The following CLDN16 variants were observed in gnomAD, a reference collection of about 807,000 sequenced individuals.
The protein encoded by CLDN16 is claudin 16.
Under a neutral mutation model 24.6 loss-of-function variants are expected in CLDN16, and 13 were observed. That is an observed-to-expected ratio of 0.53 (90% CI 0.34 to 0.84). The LOEUF (loss-of-function observed/expected upper bound fraction) is 0.84, where lower values mean the gene tolerates loss of function less well. CLDN16 is among the 40% of genes least tolerant of loss of function. CLDN16 has a pLI of 0.01. For synonymous variants in CLDN16, 116 were observed against 106.7 expected (o/e 1.09, Z -0.54); for missense variants, 298 against 292.7 (o/e 1.02, Z -0.13).
At chr3:190,335,152 T>C (rs1717272448) in intron 1 of CLDN16, among the ~76,000 whole-genome samples, 1 of 151,794 alleles carries the variant, frequency 6.6e-6, no homozygotes, top group Non-Finnish European at 1.5e-5. Flanking sequence ...CAAGCGATTC[T>C]CCTGCCACAG....
intron 1 of CLDN16, among the ~76,000 whole-genome samples, chr3:190,398,778 T>C (rs1015904228): frequency 6.6e-6 from 1 of 152,190 alleles, no homozygotes; most frequent in Non-Finnish European, 1.5e-5. Context: ...ATAACCATCC[T>C]ATGATTATCT....
At chr3:190,353,235 C>A (rs900214612) in intron 1 of CLDN16, among the ~76,000 whole-genome samples, 2 of 151,850 alleles carry the variant, frequency 1.3e-5, no homozygotes, top group Middle Eastern at 3.4e-3. Flanking sequence ...TCAGAGTGAC[C>A]TGCTGTGAGC....
chr3:190,339,206 T>G (rs1472654731), intron 1 of CLDN16, among the ~76,000 whole-genome samples: 1 of 152,200 alleles, frequency 6.6e-6, no homozygotes, highest in Non-Finnish European at 1.5e-5. Context: ...CCTTAAAGAC[T>G]TCTAAGTGTA....
intron 3 of CLDN16, among the ~76,000 whole-genome samples, chr3:190,380,272 T>TCCTTCCTTCCTTTCTTC (rs1282830158): frequency 2.0e-5 from 3 of 150,376 alleles, no homozygotes; most frequent in Admixed American, 6.7e-5. Context: ...CTTCCTTCCT[T>TCCTTCCTTCCTTTCTTC]CTGTTTTTTG....
the CLDN16 span, among the ~76,000 whole-genome samples, chr3:190,294,677 A>C: frequency 6.6e-6 from 1 of 152,136 alleles, no homozygotes; most frequent in African/African-American, 2.4e-5. Context: ...TTTAATTTAA[A>C]AACAATTTCT....
chr3:190,359,514 A>T (rs1433616652), intron 1 of CLDN16, among the ~76,000 whole-genome samples: 1 of 152,036 alleles, frequency 6.6e-6, no homozygotes, highest in African/African-American at 2.4e-5. Context: ...GATGTTTCTT[A>T]TCCTGCTTTG....
chr3:190,388,063 A>C, upstream of CLDN16: 1 of 1,532,362 alleles, frequency 6.5e-7, no homozygotes. Flanking sequence ...CCCACCCGAA[A>C]CACACTCAGC....
intron 1 of CLDN16, 79 bp downstream of exon 1, chr3:190,388,522 C>T: frequency 1.7e-6 from 2 of 1,189,494 alleles, no homozygotes; most frequent in South Asian, 2.4e-5. Flanking sequence ...GTACAACATT[C>T]AGTATCTTTA....
intron 3 of CLDN16, among the ~76,000 whole-genome samples, chr3:190,378,698 A>T (rs1334044201): frequency 6.6e-6 from 1 of 151,992 alleles, no homozygotes; most frequent in African/African-American, 2.4e-5. Context: ...AATAAGTGCC[A>T]GTTTTGAGTA....
chr3:190,310,773 G>A, the CLDN16 span, among the ~76,000 whole-genome samples: 2 of 152,110 alleles, frequency 1.3e-5, no homozygotes, highest in Non-Finnish European at 2.9e-5. Context: ...CATTACTACT[G>A]CCCCATTGGC....
rs780250179 is a variant in CLDN16 at position 190,411,824 on chromosome 3, C to T, written c.*1788C>T. ...TTTAAAAATATTTGCAAATCATACTCATTAGTTATTTGATCATTGTTCTAT... is the reference window on the plus strand; with the variant it reads ...TTTAAAAATATTTGCAAATCATACTTATTAGTTATTTGATCATTGTTCTAT... On this transcript the variant is annotated 3_prime_UTR_variant, in exon 5 of 5. Transcript: ENST00000264734. 3 of 152,020 alleles carry T rather than the reference C, an allele frequency of 2.0e-5. No individual in the cohort carries two copies. Among genetic ancestry groups the T allele is most frequent in the Non-Finnish European group, 4.4e-5 (3 of 67,966 alleles). The allele number at this position is 152,020 out of a possible 1,614,324, so 9.4% of individuals were successfully genotyped here. A position where few individuals can be genotyped will look rare whatever the true frequency, so the allele number is the denominator to read the frequency against.
the CLDN16 span, chr3:190,310,184 G>A: frequency 5.6e-6 from 9 of 1,613,486 alleles, no homozygotes; most frequent in Non-Finnish European, 6.8e-6. Context: ...ATTGACTGGG[G>A]TCATAGGGTC....
At chr3:190,362,439 C>T (rs947635796) in intron 1 of CLDN16, among the ~76,000 whole-genome samples, 1 of 151,934 alleles carries the variant, frequency 6.6e-6, no homozygotes, top group Non-Finnish European at 1.5e-5. Flanking sequence ...CCAGTCAGCA[C>T]TCCCCACTTC....
At chr3:190,358,745 C>T (rs1717828195) in intron 1 of CLDN16, among the ~76,000 whole-genome samples, 1 of 152,004 alleles carries the variant, frequency 6.6e-6, no homozygotes, top group Non-Finnish European at 1.5e-5. Context: ...CCTAACCCAT[C>T]ATACCAGTCT....
At chr3:190,317,807 T>C (rs1209518907), upstream of CLDN16, among the ~76,000 whole-genome samples, 1 of 152,208 alleles carries the variant, frequency 6.6e-6, no homozygotes, top group African/African-American at 2.4e-5. Flanking sequence ...ACTGTATTCT[T>C]GATCGGTATT....
intron 1 of CLDN16, among the ~76,000 whole-genome samples, chr3:190,325,260 C>T (rs542094036): frequency 1.2e-4 from 19 of 152,262 alleles, no homozygotes; most frequent in African/African-American, 4.3e-4. Flanking sequence ...ATTTGACGCT[C>T]GTGTCCATGC....
chr3:190,324,914 G>C (rs1297146671), intron 1 of CLDN16, among the ~76,000 whole-genome samples: 2 of 152,210 alleles, frequency 1.3e-5, no homozygotes, highest in Non-Finnish European at 2.9e-5. Flanking sequence ...GCAGCACTGA[G>C]ACCAAGAAGG....
intron 1 of CLDN16, among the ~76,000 whole-genome samples, chr3:190,359,227 T>A (rs1717838291): frequency 6.6e-6 from 1 of 152,056 alleles, no homozygotes; most frequent in Non-Finnish European, 1.5e-5. Flanking sequence ...CTGGCAAAAG[T>A]TTTGATGAAC....
upstream of CLDN16, among the ~76,000 whole-genome samples, chr3:190,321,394 G>T (rs773174673): frequency 1.3e-4 from 20 of 152,098 alleles, no homozygotes; most frequent in Non-Finnish European, 2.6e-4. Context: ...CTTGCAAGGG[G>T]CCTCCCTGCA....
Sources: gnomAD v4.1 joint callset for allele counts (sites outside exome capture counted in the v4.1 genomes callset) on GRCh38, gnomAD v4.1.1 for gene constraint, MANE v1.5 for transcripts, NCBI Gene and HGNC (gene_info 2026-07-23, HGNC 2026-07-21) for gene names.